Variants in FAM149A observed in about 807,000 individuals in gnomAD.
The protein encoded by FAM149A is family with sequence similarity 149 member A, also known as protein FAM149A.
Under a neutral mutation model 78.2 loss-of-function variants are expected in FAM149A, and 71 were observed. The observed-to-expected ratio is 0.91, with a 90% CI of 0.75 to 1.11. The LOEUF (loss-of-function observed/expected upper bound fraction) is 1.11. Among genes scored for constraint, FAM149A ranks in the 50% least tolerant of loss-of-function variants. FAM149A has a pLI of 0.00. For missense variants in FAM149A, 1,036 were observed against 971.0 expected (o/e 1.07, Z -0.89); for synonymous variants, 446 against 410.5 (o/e 1.09, Z -1.04).
At chr4:186,132,298 A>G (rs996824072) in intron 1 of FAM149A, 24 of 821,342 alleles carry the variant, frequency 2.9e-5, no homozygotes, top group Non-Finnish European at 3.2e-5. Flanking sequence ...AAATTGATTT[A>G]AAAGCTACAG....
Position 186,105,434 on chromosome 4 carries a change from C to A in FAM149A, c.358C>A (p.Pro120Thr), listed in dbSNP as rs553621908. ...CACTCCCTCCGGCGGGGGCTGCTCC[C>A]CTGCTCGCCTGGTGGTCCCAGCGCG... The change falls in exon 1 of 14, where the codon CCT (proline) becomes ACT (threonine). Residue 120 changes from proline (P) to threonine (T), a missense_variant. Physicochemically the swap from Pro to Thr is conservative, Grantham distance 38. This residue lies in a region of FAM149A where 316 missense variants were observed against 241.9 expected (regional missense o/e 1.31). Transcript: ENST00000389354. 3.6e-5 allele frequency: 44 copies of A among 1,212,816 alleles called. No individual in the cohort carries two copies. The highest frequency in any genetic ancestry group is 4.6e-5 in the Non-Finnish European group (44 of 957,580). The allele number at this position is 1,212,816 out of a possible 1,614,324, so 75.1% of individuals were successfully genotyped here. A position where few individuals can be genotyped will look rare whatever the true frequency, so the allele number is the denominator to read the frequency against.
intron 1 of FAM149A, among the ~76,000 whole-genome samples, chr4:186,134,237 A>T (rs553052332): frequency 5.3e-5 from 8 of 152,298 alleles, no homozygotes; most frequent in Admixed American, 1.3e-4. Context: ...GCATCGTGCG[A>T]TGCTGTTGAA....
At chr4:186,127,785 A>G (rs1375785882) in intron 1 of FAM149A, 5 of 470,048 alleles carry the variant, frequency 1.1e-5, no homozygotes, top group Non-Finnish European at 1.4e-5. Context: ...TTCCAAGTTC[A>G]AGCAATTCTC....
chr4:186,128,540 C>T (rs185590722), intron 1 of FAM149A, among the ~76,000 whole-genome samples: 147 of 151,536 alleles, frequency 9.7e-4, no homozygotes, highest in African/African-American at 2.6e-3. Flanking sequence ...TGCTTTCTTT[C>T]TTCCTTATAA....
intron 13 of FAM149A, chr4:186,167,725 GTT>G (rs966399596): frequency 3.9e-6 from 1 of 257,740 alleles, no homozygotes; most frequent in African/African-American, 2.2e-5. Flanking sequence ...CTGGTATGCT[GTT>G]TGCAGGATAT....
At position 186,173,196 on chromosome 4, in the gene FAM149A, G is replaced by A. The variant is rs953488169; in HGVS notation, c.*1209G>A. Among the ~76,000 whole-genome samples, 7 of 111,848 alleles carry A rather than the reference G, an allele frequency of 6.3e-5. 2 individuals carry two copies. The highest frequency in any genetic ancestry group is 1.7e-4 in the Admixed American group (2 of 11,438). The allele number at this position is 111,848 out of a possible 152,430, so 73.4% of individuals were successfully genotyped here. On this transcript the variant is annotated 3_prime_UTR_variant, in exon 14 of 14. Transcript: ENST00000389354. ...ACTTTCAGACTATTTCTGGCTGTAA[G>A]GAGAAGGGATCATTGCCTACTAGTA...
At chr4:186,170,041 A>C in intron 13 of FAM149A, 4 of 654,828 alleles carry the variant, frequency 6.1e-6, no homozygotes, top group Non-Finnish European at 7.6e-6. Flanking sequence ...GGGTATGTCC[A>C]GGCCCCCTCA....
chr4:186,125,364 G>C, intron 1 of FAM149A: 1 of 982,242 alleles, frequency 1.0e-6, no homozygotes, highest in Non-Finnish European at 1.2e-6. Flanking sequence ...CATCCCCTGC[G>C]GAGGTCTCTT....
In FAM149A at chr4:186,172,118, A is replaced by C. The variant is rs955866247; in HGVS notation, c.*131A>C. The C allele has an allele frequency of 1.5e-6, 2 of 1,337,910 alleles. No individual in the cohort carries two copies. Among genetic ancestry groups the C allele is most frequent in the African/African-American group, 3.0e-5 (2 of 66,134 alleles). The allele number at this position is 1,337,910 out of a possible 1,614,324, so 82.9% of individuals were successfully genotyped here. Reference sequence around the variant, plus strand: ...GAGATGTTAGACCGAGAGAAAAGCAAACAAATAAATCACTTAATCTTGAAC... The same window carrying C: ...GAGATGTTAGACCGAGAGAAAAGCACACAAATAAATCACTTAATCTTGAAC... On this transcript the variant is annotated 3_prime_UTR_variant, in exon 14 of 14. Coordinates refer to ENST00000389354, the MANE Select transcript of FAM149A (RefSeq NM_001367768.3).
intron 1 of FAM149A, among the ~76,000 whole-genome samples, chr4:186,148,145 G>A (rs1358359386): frequency 2.0e-5 from 3 of 152,048 alleles, no homozygotes; most frequent in Admixed American, 2.0e-4. Context: ...TGGCTAACAT[G>A]GTGAAACCCT....
chr4:186,169,105 A>C, intron 13 of FAM149A: 19 of 679,296 alleles, frequency 2.8e-5, no homozygotes, highest in Non-Finnish European at 3.5e-5. Flanking sequence ...ACACGTAAGT[A>C]GAGGTTTGGA....
At chr4:186,139,419 A>G (rs1311360560) in intron 1 of FAM149A, among the ~76,000 whole-genome samples, 3 of 151,892 alleles carry the variant, frequency 2.0e-5, no homozygotes. Flanking sequence ...CGATTAGGTC[A>G]TGATTGCAAA....
Position 186,162,966 on chromosome 4 carries a change from TA to T in FAM149A, c.1679+19del, listed in dbSNP as rs1561415832. The T allele has an allele frequency of 2.1e-6, 3 of 1,421,908 alleles. No individual in the cohort carries two copies. Among genetic ancestry groups the T allele is most frequent in the Middle Eastern group, 1.7e-4 (1 of 5,722 alleles). The allele number at this position is 1,421,908 out of a possible 1,614,324, so 88.1% of individuals were successfully genotyped here. The stretch of plus-strand genomic sequence containing the variant: ...AGAACGCAGTACGTATCAGAATCAG[TA>T]GTAGTTACCCAGCCTCTTCCCTGTG... On this transcript the variant is annotated intron_variant, in intron 9 of 13. Transcript: ENST00000389354.
intron 1 of FAM149A, chr4:186,126,877 G>C: frequency 1.0e-6 from 1 of 985,154 alleles, no homozygotes; most frequent in Non-Finnish European, 1.2e-6. Flanking sequence ...AATACAGGGG[G>C]AGGAAGAGAC....
Position 186,149,267 on chromosome 4 carries a change from A to G in FAM149A, c.661A>G (p.Ile221Val), listed in dbSNP as rs1299385324. 7 of 1,288,394 alleles carry G rather than the reference A, an allele frequency of 5.4e-6. No individual in the cohort carries two copies. The highest frequency in any genetic ancestry group is 2.1e-4 in the Middle Eastern group (1 of 4,716). The allele number at this position is 1,288,394 out of a possible 1,614,324, so 79.8% of individuals were successfully genotyped here. Residue 221 changes from isoleucine (I) to valine (V), a missense_variant, in exon 2 of 14, where the codon ATT (isoleucine) becomes GTT (valine). Physicochemically the swap from Ile to Val is conservative, Grantham distance 29. Coordinates refer to ENST00000389354, the MANE Select transcript of FAM149A (RefSeq NM_001367768.3). ...TTTTACAAGAAATGTGCAGAAAGCC[A>G]TTGATAAATATACCTGGTAAGAATT...
At chr4:186,125,128 C>T (rs1246244256) in intron 1 of FAM149A, 8 of 313,804 alleles carry the variant, frequency 2.5e-5, no homozygotes, top group Non-Finnish European at 3.2e-5. Context: ...TTATGGAACA[C>T]AGTGTGGTCA....
Position 186,105,426 on chromosome 4 carries a change from GCTGCTCCC to G in FAM149A, c.357_364del (p.Ala121GlyfsTer50), listed in dbSNP as rs1285313645. On this transcript the variant is annotated frameshift_variant, in exon 1 of 14. Coordinates refer to ENST00000389354, the MANE Select transcript of FAM149A (RefSeq NM_001367768.3). LOFTEE classifies it high-confidence loss of function. ...CAGCCCCCCACTCCCTCCGGCGGGG[GCTGCTCCC>G]CTGCTCGCCTGGTGGTCCCAGCGCG... 11 of 1,204,030 alleles carry G rather than the reference GCTGCTCCC, an allele frequency of 9.1e-6. No homozygotes were observed. Among genetic ancestry groups the G allele is most frequent in the Non-Finnish European group, 1.2e-5 (11 of 953,616 alleles). 74.6% of individuals were successfully genotyped at this position (1,204,030 alleles called of 1,614,324 possible).
At chr4:186,163,969 A>G (rs1300577259) in intron 10 of FAM149A, among the ~76,000 whole-genome samples, 2 of 152,210 alleles carry the variant, frequency 1.3e-5, no homozygotes, top group African/African-American at 4.8e-5. Flanking sequence ...GGGAGGTTTA[A>G]ATAAAATAAT....
chr4:186,116,495 C>T lies in FAM149A; in HGVS notation c.566+10853C>T, dbSNP rs140026626. ...ATAATAATGAATTCAACTTGGTTTT[C>T]CATATCGAGTATTTGCTTATACCCG... is the stretch of plus-strand genomic sequence containing the variant. On this transcript the variant is annotated intron_variant, in intron 1 of 13. Coordinates refer to ENST00000389354, the MANE Select transcript of FAM149A (RefSeq NM_001367768.3). The T allele has an allele frequency of 3.9e-5, 38 of 985,164 alleles. No individual in the cohort carries two copies. The African/African-American group carries it at 6.3e-4, about 16-fold the overall frequency. The allele number at this position is 985,164 out of a possible 1,614,324, so 61.0% of individuals were successfully genotyped here.
Sources: allele counts gnomAD v4.1 joint callset (sites outside exome capture counted in the v4.1 genomes callset), GRCh38; gene constraint gnomAD v4.1.1; regional missense constraint gnomAD v4.1.1; transcripts MANE v1.5; gene names NCBI Gene and HGNC (gene_info 2026-07-23, HGNC 2026-07-21).